IGSF21: variants seen among roughly 807,000 people sequenced by gnomAD.
IGSF21 encodes the protein immunoglobulin superfamily member 21.
A neutral mutation model predicts 46.8 loss-of-function variants in IGSF21; 28 were observed. That is an observed-to-expected ratio of 0.60 (90% CI 0.44 to 0.82). IGSF21 has a LOEUF of 0.82. IGSF21 is among the 40% of genes least tolerant of loss of function. The pLI, the probability that IGSF21 is intolerant of heterozygous loss-of-function variation, is 0.00. For synonymous variants in IGSF21, 284 were observed against 273.6 expected, an observed-to-expected ratio of 1.04 and a Z score of -0.38; for missense variants, 624 against 665.5, an observed-to-expected ratio of 0.94 and a Z score of 0.69.
rs138823732 is a variant in IGSF21, at chr1:18,280,242, C to A, written c.184-11624C>A. Among the ~76,000 whole-genome samples, 11 of 152,260 alleles carry A rather than the reference C, an allele frequency of 7.2e-5. No homozygotes were observed. In the East Asian group the frequency reaches 1.4e-3, roughly 19 times the overall value. ...AGGACTCTGCCATGCTCCCGCCCCC[C>A]ACACCTGCCCTGTTGACTGGTGGGA... On this transcript the variant is annotated intron_variant, in intron 2 of 9. Coordinates refer to ENST00000251296, the MANE Select transcript of IGSF21 (RefSeq NM_032880.5).
intron 3 of IGSF21, among the ~76,000 whole-genome samples, chr1:18,297,950 A>G (rs912739272): frequency 1.3e-5 from 2 of 152,212 alleles, no homozygotes; most frequent in Non-Finnish European, 2.9e-5. Flanking sequence ...ACAGCTCCTC[A>G]TAGGAGATAC....
At chr1:18,341,516 G>A (rs549086158) in intron 4 of IGSF21, among the ~76,000 whole-genome samples, 21 of 152,264 alleles carry the variant, frequency 1.4e-4, no homozygotes, top group African/African-American at 4.3e-4. Context: ...TCCCAACCCC[G>A]TGGGTCACCC....
At chr1:18,173,230 G>A (rs1390188354) in intron 1 of IGSF21, among the ~76,000 whole-genome samples, 7 of 152,206 alleles carry the variant, frequency 4.6e-5, no homozygotes, top group African/African-American at 1.7e-4. Flanking sequence ...GGAGCTTGCA[G>A]TGAGCTGAGA....
intron 2 of IGSF21, among the ~76,000 whole-genome samples, chr1:18,238,098 C>T (rs921440628): frequency 6.6e-6 from 1 of 152,100 alleles, no homozygotes; most frequent in Non-Finnish European, 1.5e-5. Context: ...CTCTGTGATG[C>T]CCCCATGCCC....
chr1:18,343,629 G>C (rs2085864371), intron 4 of IGSF21, among the ~76,000 whole-genome samples: 1 of 152,214 alleles, frequency 6.6e-6, no homozygotes, highest in South Asian at 2.1e-4. Context: ...TATATGGTGT[G>C]AGGGAGGGGT....
chr1:18,125,721 T>C (rs187552198), intron 1 of IGSF21, among the ~76,000 whole-genome samples: 195 of 152,326 alleles, frequency 1.3e-3, no homozygotes, highest in African/African-American at 4.3e-3. Flanking sequence ...GCTTACCTTC[T>C]AGAGTGTGTG....
At chr1:18,204,357 G>T (rs548642887) in intron 1 of IGSF21, among the ~76,000 whole-genome samples, 1 of 152,350 alleles carries the variant, frequency 6.6e-6, no homozygotes, top group East Asian at 1.9e-4. Context: ...ATCAGCAGCT[G>T]CAGTAGTCAT....
intron 3 of IGSF21, among the ~76,000 whole-genome samples, chr1:18,310,469 C>A (rs1325678712): frequency 6.6e-6 from 1 of 152,216 alleles, no homozygotes; most frequent in African/African-American, 2.4e-5. Context: ...ACTGCGTGGA[C>A]CTTATTAGTT....
chr1:18,333,852 A>G (rs925595459), intron 3 of IGSF21, among the ~76,000 whole-genome samples: 3 of 152,212 alleles, frequency 2.0e-5, no homozygotes, highest in Non-Finnish European at 4.4e-5. Context: ...TTTTTTTACA[A>G]CTTGTGAACT....
At chr1:18,161,394 C>A (rs1463411514) in intron 1 of IGSF21, among the ~76,000 whole-genome samples, 2 of 152,112 alleles carry the variant, frequency 1.3e-5, no homozygotes, top group African/African-American at 2.4e-5. Flanking sequence ...CCAGCCCAGG[C>A]CTGCCTGATT....
In IGSF21 at chr1:18,205,080, G is replaced by A. The variant is rs367831863; in HGVS notation, c.71-22818G>A. ...TGTCAAAAGATGCAAAGGCCACAGAGTCCTGCTAAAAAGTTGATGGGGAGA... is the reference window on the plus strand; with the variant it reads ...TGTCAAAAGATGCAAAGGCCACAGAATCCTGCTAAAAAGTTGATGGGGAGA... On this transcript the variant is annotated intron_variant, in intron 1 of 9. Transcript: ENST00000251296. 5.4e-4 allele frequency among the ~76,000 whole-genome samples: 82 copies of A among 151,994 alleles called. No individual in the cohort carries two copies. The South Asian group carries it at 0.016, about 30-fold the overall frequency.
At chr1:18,156,568 A>G (rs761811004) in intron 1 of IGSF21, among the ~76,000 whole-genome samples, 4 of 152,306 alleles carry the variant, frequency 2.6e-5, no homozygotes, top group East Asian at 3.9e-4. Flanking sequence ...TGAGCCCCCA[A>G]AAGGATTCCC....
At chr1:18,349,801 G>A (rs1382529207) in intron 4 of IGSF21, among the ~76,000 whole-genome samples, 1 of 152,064 alleles carries the variant, frequency 6.6e-6, no homozygotes, top group Non-Finnish European at 1.5e-5. Flanking sequence ...CCTCATTCCT[G>A]TAATCCTAGC....
intron 4 of IGSF21, among the ~76,000 whole-genome samples, chr1:18,354,559 G>A (rs553622952): frequency 6.6e-6 from 1 of 152,340 alleles, no homozygotes; most frequent in East Asian, 1.9e-4. Context: ...AATAGAGCAG[G>A]CATGCTGAGA....
chr1:18,146,341 G>T (rs1406578499), intron 1 of IGSF21, among the ~76,000 whole-genome samples: 1 of 152,138 alleles, frequency 6.6e-6, no homozygotes, highest in Admixed American at 6.5e-5. Flanking sequence ...ACCAAGAGGG[G>T]GATGGGTGGG....
At chr1:18,197,954 T>C (rs1393537605) in intron 1 of IGSF21, among the ~76,000 whole-genome samples, 1 of 152,160 alleles carries the variant, frequency 6.6e-6, no homozygotes, top group Non-Finnish European at 1.5e-5. Context: ...TCGTAACCTC[T>C]CCAAGGCTTG....
chr1:18,231,922 CGTGTGTGTGTGTGTGTGTGTGTGT>C (rs150869622), intron 2 of IGSF21, among the ~76,000 whole-genome samples: 1 of 136,438 alleles, frequency 7.3e-6, no homozygotes, highest in Non-Finnish European at 1.6e-5. Flanking sequence ...ATCATTAGAT[CGTGTGTGTGTGTGTGTGTGTGTGT>C]GTGTGTGTGT....
chr1:18,127,323 C>T (rs936832729), intron 1 of IGSF21, among the ~76,000 whole-genome samples: 4 of 152,112 alleles, frequency 2.6e-5, no homozygotes, highest in African/African-American at 7.2e-5. Context: ...GTGAGGGACT[C>T]GGGAGCAGAG....
chr1:18,319,510 C>T (rs1272257315), intron 3 of IGSF21, among the ~76,000 whole-genome samples: 3 of 151,582 alleles, frequency 2.0e-5, no homozygotes, highest in East Asian at 1.9e-4. Flanking sequence ...GCTGTAAGCC[C>T]GTGAAGATGA....
Sources: allele counts gnomAD v4.1 joint callset (sites outside exome capture counted in the v4.1 genomes callset), GRCh38; gene constraint gnomAD v4.1.1; transcripts MANE v1.5; gene names NCBI Gene and HGNC (gene_info 2026-07-23, HGNC 2026-07-21).